The following HEATR4 variants were observed in gnomAD, a reference collection of about 807,000 sequenced individuals.
HEATR4 encodes the protein HEAT repeat-containing protein 4.
HEATR4 carries 95 observed loss-of-function variants against 108.8 expected under a neutral mutation model. The observed-to-expected ratio is 0.87, with a 90% CI of 0.74 to 1.04. HEATR4 has a LOEUF of 1.04. Ranked by LOEUF, HEATR4 falls within the 50% of genes least tolerant of loss-of-function variation. The pLI is 0.00. For missense variants in HEATR4, 1,152 were observed against 1,253.8 expected (o/e 0.92, Z 1.23); for synonymous variants, 443 against 459.4 (o/e 0.96, Z 0.46).
chr14:73,491,273 G>C, intron 17 of HEATR4: 3 of 1,568,348 alleles, frequency 1.9e-6, no homozygotes, highest in Non-Finnish European at 2.6e-6. Flanking sequence ...GGCGGCGGTG[G>C]CGGCCGTCCC....
intron 1 of HEATR4, among the ~76,000 whole-genome samples, chr14:73,540,167 G>A (rs1473395787): frequency 1.4e-5 from 2 of 144,592 alleles, no homozygotes; most frequent in African/African-American, 2.5e-5. Context: ...ATATTCATCT[G>A]CTCTGGGCAA....
At position 73,492,746 on chromosome 14, in the gene HEATR4, T is replaced by G. The variant is rs755214593; in HGVS notation, c.2844+320A>C. The G allele has an allele frequency of 1.5e-5, 24 of 1,613,982 alleles. No homozygotes were observed. Among genetic ancestry groups the G allele is most frequent in the Non-Finnish European group, 1.9e-5 (22 of 1,179,902 alleles). Reference sequence around the variant, plus strand: ...TTACACAGTGGAAAACTCCCGTGTGTATCATCTGGAAGAACCCAAGTGCTT... The same window carrying G: ...TTACACAGTGGAAAACTCCCGTGTGGATCATCTGGAAGAACCCAAGTGCTT... On this transcript the variant is annotated intron_variant, in intron 17 of 17. Coordinates refer to ENST00000553558, the MANE Select transcript of HEATR4 (RefSeq NM_001220484.1). The surrounding 1 kb of genome is among the most constrained non-coding windows in gnomAD (Gnocchi z 4.9).
chr14:73,481,832 G>A (rs8008784), intron 17 of HEATR4, among the ~76,000 whole-genome samples: 21,672 of 151,462 alleles, frequency 0.14, 2,218 homozygotes, highest in Non-Finnish European at 0.21. Context: ...GTGACAGAGC[G>A]AGACTCCATC....
chr14:73,604,477 T>TTTTTG, the HEATR4 span, among the ~76,000 whole-genome samples: 6 of 151,528 alleles, frequency 4.0e-5, no homozygotes, highest in East Asian at 3.9e-4. Flanking sequence ...GTTTCTTGTT[T>TTTTTG]TTTTGTTTTG....
the HEATR4 span, chr14:73,569,970 G>T: frequency 2.1e-6 from 3 of 1,458,954 alleles, no homozygotes; most frequent in Non-Finnish European, 1.8e-6. Flanking sequence ...TTATGTGTAT[G>T]CCCCCCCGCC....
intron 4 of HEATR4, 173 bp downstream of exon 4, chr14:73,520,679 T>C: frequency 3.3e-6 from 2 of 597,174 alleles, no homozygotes; most frequent in East Asian, 2.8e-5. Context: ...CTATTAGTTA[T>C]CACTCCCCGA....
At chr14:73,589,677 G>T in the HEATR4 span, among the ~76,000 whole-genome samples, 2 of 152,102 alleles carry the variant, frequency 1.3e-5, no homozygotes, top group Non-Finnish European at 2.9e-5. Flanking sequence ...GGCCAGGCAC[G>T]GCAGGTAGCT....
At chr14:73,618,661 T>C in the HEATR4 span, among the ~76,000 whole-genome samples, 3 of 152,194 alleles carry the variant, frequency 2.0e-5, no homozygotes, top group African/African-American at 7.2e-5. Flanking sequence ...GTTCATTTGA[T>C]TTATAATTTT....
the HEATR4 span, among the ~76,000 whole-genome samples, chr14:73,584,160 C>A: frequency 6.6e-6 from 1 of 151,808 alleles, no homozygotes; most frequent in African/African-American, 2.4e-5. Context: ...GGGCAGCTCA[C>A]CCTCAGAGAA....
intron 11 of HEATR4, among the ~76,000 whole-genome samples, 190 bp downstream of exon 11, chr14:73,502,705 G>A (rs193230151): frequency 4.6e-5 from 7 of 152,196 alleles, no homozygotes; most frequent in South Asian, 2.1e-4. Context: ...GTGCCACCAC[G>A]CCTGGCTAAT....
the HEATR4 span, chr14:73,619,336 A>T: frequency 6.2e-7 from 1 of 1,614,176 alleles, no homozygotes; most frequent in Non-Finnish European, 8.5e-7. Flanking sequence ...TGTACTTATC[A>T]ATGCCTGTGT....
At chr14:73,582,434 T>A in the HEATR4 span, 1 of 151,102 alleles carries the variant, frequency 6.6e-6, no homozygotes, top group Non-Finnish European at 1.5e-5. Context: ...GGAGTGACCG[T>A]GTTCTCAGGA....
At chr14:73,533,636 G>A (rs1239715220) in intron 1 of HEATR4, among the ~76,000 whole-genome samples, 2 of 114,520 alleles carry the variant, frequency 1.7e-5, no homozygotes, top group African/African-American at 2.8e-5. Context: ...CTGAGACCGC[G>A]CCACTGCACT....
At chr14:73,615,710 G>A in the HEATR4 span, among the ~76,000 whole-genome samples, 2 of 151,882 alleles carry the variant, frequency 1.3e-5, no homozygotes, top group Non-Finnish European at 2.9e-5. Context: ...TGCAGCCTGG[G>A]CAACAAGAGT....
At chr14:73,622,480 G>A in the HEATR4 span, among the ~76,000 whole-genome samples, 1 of 152,094 alleles carries the variant, frequency 6.6e-6, no homozygotes, top group Non-Finnish European at 1.5e-5. Flanking sequence ...TCGGCTCACC[G>A]CAACCTCTGC....
At chr14:73,587,351 C>T in the HEATR4 span, among the ~76,000 whole-genome samples, 1 of 128,290 alleles carries the variant, frequency 7.8e-6, no homozygotes, top group African/African-American at 3.5e-5. Flanking sequence ...CTTTTGGCAA[C>T]ATCCACTTTT....
chr14:73,604,164 C>CTTTCT, the HEATR4 span, among the ~76,000 whole-genome samples: 8 of 120,786 alleles, frequency 6.6e-5, no homozygotes, highest in Admixed American at 5.0e-4. Context: ...TTGCTAATTT[C>CTTTCT]TTTTTTTTTT....
At chr14:73,593,966 C>A in the HEATR4 span, 1 of 1,425,576 alleles carries the variant, frequency 7.0e-7, no homozygotes, top group Non-Finnish European at 9.6e-7. Flanking sequence ...AGAGTGTAAC[C>A]TTTACCACGT....
chr14:73,499,233 CATTT>C, intron 12 of HEATR4, 93 bp from the exon 13 acceptor site: 1 of 1,109,280 alleles, frequency 9.0e-7, no homozygotes, highest in Non-Finnish European at 1.4e-6. Flanking sequence ...GTAATCCCAG[CATTT>C]TGGGATGCCA....
Sources: allele counts gnomAD v4.1 joint callset (sites outside exome capture counted in the v4.1 genomes callset), GRCh38; gene constraint gnomAD v4.1.1; non-coding constraint Gnocchi (gnomAD v3.1); transcripts MANE v1.5; gene names NCBI Gene and HGNC (gene_info 2026-07-23, HGNC 2026-07-21).